WDR7: variants seen among roughly 807,000 people sequenced by gnomAD.
WDR7 encodes the protein WD repeat-containing protein 7.
Under a neutral mutation model 169.4 loss-of-function variants are expected in WDR7, and 46 were observed. The ratio of observed to expected loss-of-function variants is 0.27; its 90% CI spans 0.21 to 0.35. The LOEUF is 0.35. WDR7 is among the 10% of genes least tolerant of loss of function. The probability of loss-of-function intolerance (pLI) is 1.00; values close to 1 mark genes in which losing one functional copy is unlikely to be tolerated. For synonymous variants in WDR7, 612 were observed against 666.8 expected (o/e 0.92, Z 1.27); for missense variants, 1,534 against 1,859.3 (o/e 0.83, Z 3.22).
intron 16 of WDR7, among the ~76,000 whole-genome samples, chr18:56,765,435 CTA>C (rs1398444511): frequency 6.6e-6 from 1 of 151,676 alleles, no homozygotes; most frequent in Non-Finnish European, 1.5e-5. Flanking sequence ...AGTCTGTAGT[CTA>C]TGTCTTTCCG....
chr18:56,991,142 C>CCTTTTTT (rs1599225543), intron 26 of WDR7, among the ~76,000 whole-genome samples: 2 of 74,044 alleles, frequency 2.7e-5, no homozygotes, highest in African/African-American at 1.1e-4. Context: ...ACCTTCTCCT[C>CCTTTTTT]ATTTTTTTTT....
intron 21 of WDR7, among the ~76,000 whole-genome samples, chr18:56,919,746 T>G (rs570674585): frequency 9.2e-5 from 14 of 152,244 alleles, no homozygotes; most frequent in Admixed American, 3.9e-4. Context: ...CATAGAAATA[T>G]ACCAGATTTT....
chr18:56,933,967 G>C (rs2046924331), intron 22 of WDR7, among the ~76,000 whole-genome samples: 1 of 152,222 alleles, frequency 6.6e-6, no homozygotes, highest in African/African-American at 2.4e-5. Flanking sequence ...CTGCTTGTCA[G>C]AGATGTTGCC....
intron 20 of WDR7, among the ~76,000 whole-genome samples, chr18:56,841,004 A>G (rs933235799): frequency 2.0e-5 from 3 of 152,132 alleles, no homozygotes; most frequent in Non-Finnish European, 4.4e-5. Context: ...CAGCCTGGCC[A>G]ACATGGTAAA....
At chr18:56,787,863 T>C (rs940896019) in intron 19 of WDR7, among the ~76,000 whole-genome samples, 2 of 152,208 alleles carry the variant, frequency 1.3e-5, no homozygotes, top group African/African-American at 4.8e-5. Flanking sequence ...GTAAAAATAG[T>C]TTAAATATTA....
intron 21 of WDR7, among the ~76,000 whole-genome samples, chr18:56,889,257 A>C (rs1195167587): frequency 6.6e-6 from 1 of 152,200 alleles, no homozygotes; most frequent in Non-Finnish European, 1.5e-5. Context: ...TTCTCTTTCT[A>C]TTTTAACAAA....
At chr18:56,660,704 A>T (rs183975434) in intron 1 of WDR7, among the ~76,000 whole-genome samples, 33 of 152,190 alleles carry the variant, frequency 2.2e-4, no homozygotes, top group Non-Finnish European at 4.0e-4. Flanking sequence ...GACTAAAGCT[A>T]GAGAAGAAGA....
At chr18:56,880,259 A>G (rs2046086816) in intron 21 of WDR7, 94 bp downstream of exon 21, 1 of 1,248,878 alleles carries the variant, frequency 8.0e-7, no homozygotes, top group Non-Finnish European at 1.1e-6. Flanking sequence ...CCTGAGTTTT[A>G]GCTCATTTAG....
intron 21 of WDR7, among the ~76,000 whole-genome samples, chr18:56,910,965 A>G (rs2046544102): frequency 6.6e-6 from 1 of 152,188 alleles, no homozygotes; most frequent in Non-Finnish European, 1.5e-5. Flanking sequence ...TTGGAAATAT[A>G]TTTGCCTTCC....
At chr18:56,718,205 A>G in intron 13 of WDR7, 46 bp downstream of exon 13, 2 of 1,388,702 alleles carry the variant, frequency 1.4e-6, no homozygotes, top group South Asian at 3.8e-5. Flanking sequence ...AAATGGGTGT[A>G]TTTCATTTTC....
At chr18:57,005,178 TATC>T (rs1382864138) in intron 26 of WDR7, among the ~76,000 whole-genome samples, 12 of 152,342 alleles carry the variant, frequency 7.9e-5, no homozygotes, top group African/African-American at 2.9e-4. Flanking sequence ...ATAAAACTAT[TATC>T]ATATTATAAA....
intron 26 of WDR7, among the ~76,000 whole-genome samples, chr18:56,984,466 C>T (rs538079437): frequency 9.9e-4 from 151 of 151,960 alleles, no homozygotes; most frequent in African/African-American, 3.5e-3. Flanking sequence ...TCTTATTTAC[C>T]CTTCTAATGA....
intron 26 of WDR7, among the ~76,000 whole-genome samples, chr18:56,971,203 C>T (rs969660309): frequency 6.7e-6 from 1 of 149,992 alleles, no homozygotes; most frequent in Non-Finnish European, 1.5e-5. Context: ...ACCTGGGAGG[C>T]GGAAGTTGCA....
chr18:56,775,646 G>A (rs1193287292), intron 16 of WDR7, among the ~76,000 whole-genome samples: 3 of 152,062 alleles, frequency 2.0e-5, no homozygotes, highest in African/African-American at 7.2e-5. Flanking sequence ...TGTGCAAGAC[G>A]TGCTTCTTAG....
At chr18:56,891,461 T>C (rs901051035) in intron 21 of WDR7, among the ~76,000 whole-genome samples, 2 of 152,114 alleles carry the variant, frequency 1.3e-5, no homozygotes, top group African/African-American at 2.4e-5. Context: ...GCCTGACATA[T>C]AAGTACTTAT....
Position 56,758,862 on chromosome 18 carries a change from A to G in WDR7, c.2760-3A>G. 6.3e-7 allele frequency: 1 copy of G among 1,595,656 alleles called. No homozygotes were observed. The highest frequency in any genetic ancestry group is 8.5e-7 in the Non-Finnish European group (1 of 1,173,782). ...ATCTTGTATTTTTTTCTTCTTTTTT[A>G]AGGCCACCTAGACCAAGCACCCCAG... On this transcript the variant is annotated splice_polypyrimidine_tract_variant and splice_region_variant and intron_variant, in intron 15 of 27. Coordinates refer to ENST00000254442, the MANE Select transcript of WDR7 (RefSeq NM_015285.3).
rs1044771844 is a variant in WDR7, at chr18:56,820,359, A to AAAAAAAAAC, written c.3304+4220_3304+4221insAAACAAAAA. Among the ~76,000 whole-genome samples, 794 of 127,416 alleles carry AAAAAAAAAC rather than the reference A, an allele frequency of 6.2e-3. 9 individuals are homozygous for AAAAAAAAAC. Among genetic ancestry groups the AAAAAAAAAC allele is most frequent in the African/African-American group, 0.015 (439 of 28,376 alleles). 83.6% of individuals were successfully genotyped at this position (127,416 alleles called of 152,430 possible). On this transcript the variant is annotated intron_variant, in intron 20 of 27. Coordinates refer to ENST00000254442, the MANE Select transcript of WDR7 (RefSeq NM_015285.3). Reference sequence around the variant, plus strand: ...ATTGTCAAAAAAAAAAAAAAAAAAAAAAAAACCACCTTGATACTAGATCAG... The same window carrying AAAAAAAAAC: ...ATTGTCAAAAAAAAAAAAAAAAAAAAAAAAAAAACAAAAACCACCTTGATACTAGATCAG...
At position 56,781,626 on chromosome 18, in the gene WDR7, T is replaced by C. The variant is rs1167760848; in HGVS notation, c.3160T>C (p.Leu1054=). 1.2e-6 allele frequency: 2 copies of C among 1,612,428 alleles called. No individual in the cohort carries two copies. Among genetic ancestry groups the C allele is most frequent in the African/African-American group, 1.3e-5 (1 of 74,922 alleles). ...AGCCATTGATGCCTGGGCTCCTTAC[T>C]TACCTCAGTACATAGACCACGTCAT... The part of the protein sequence containing the change: ...KEAIDAWAPY[L]PQYIDHVISP... Residue 1054 remains leucine (L), a synonymous_variant, in exon 19 of 28, where the codon TTA becomes CTA. Coordinates refer to ENST00000254442, the MANE Select transcript of WDR7 (RefSeq NM_015285.3).
At chr18:56,990,100 A>G (rs939838430) in intron 26 of WDR7, among the ~76,000 whole-genome samples, 1 of 152,258 alleles carries the variant, frequency 6.6e-6, no homozygotes, top group Non-Finnish European at 1.5e-5. Flanking sequence ...GCAGAAAACT[A>G]TAAACAAAAT....
Sources: gnomAD v4.1 joint callset for allele counts (sites outside exome capture counted in the v4.1 genomes callset) on GRCh38, gnomAD v4.1.1 for gene constraint, MANE v1.5 for transcripts, NCBI Gene and HGNC (gene_info 2026-07-23, HGNC 2026-07-21) for gene names.